Variants in ZBTB20 observed in about 807,000 individuals in gnomAD.
The protein encoded by ZBTB20 is zinc finger and BTB domain-containing protein 20.
In ZBTB20, 9 loss-of-function variants were observed where a neutral mutation model predicts 56.9. That is an observed-to-expected ratio of 0.16 (90% CI 0.10 to 0.28). ZBTB20 has a LOEUF of 0.28. ZBTB20 is among the 10% of genes least tolerant of loss of function. The pLI is 1.00. For missense variants in ZBTB20, 655 were observed against 1,003.0 expected (o/e 0.65, Z 4.69); for synonymous variants, 417 against 420.7 (o/e 0.99, Z 0.11).
At chr3:115,110,981 C>T (rs569899055) in intron 1 of ZBTB20, among the ~76,000 whole-genome samples, 3 of 150,184 alleles carry the variant, frequency 2.0e-5, no homozygotes, top group Admixed American at 1.3e-4. Context: ...CAGAGTGAGA[C>T]TCCATCTCAA....
chr3:114,750,107 T>A (rs1489285259), intron 5 of ZBTB20, among the ~76,000 whole-genome samples: 1 of 152,230 alleles, frequency 6.6e-6, no homozygotes, highest in East Asian at 1.9e-4. Context: ...GCTGCATTTA[T>A]AAGAGAGTTT....
intron 5 of ZBTB20, among the ~76,000 whole-genome samples, chr3:114,767,107 T>G (rs2108726408): frequency 6.6e-6 from 1 of 152,240 alleles, no homozygotes; most frequent in South Asian, 2.1e-4. Context: ...GAATTACAGC[T>G]TAATTTCACC....
At chr3:114,753,443 T>C (rs1168108245) in intron 5 of ZBTB20, among the ~76,000 whole-genome samples, 1 of 10,806 alleles carries the variant, frequency 9.3e-5, no homozygotes, top group African/African-American at 1.4e-4. Context: ...ACACACACAC[T>C]TTTTTTTTTG....
At chr3:114,518,437 T>C (rs1234111775) in intron 6 of ZBTB20, 1 of 152,218 alleles carries the variant, frequency 6.6e-6, no homozygotes, top group Non-Finnish European at 1.5e-5. Flanking sequence ...CATTTTTAAA[T>C]CAAAGCCGTT....
intron 1 of ZBTB20, among the ~76,000 whole-genome samples, chr3:115,145,492 A>G (rs1393897652): frequency 6.6e-6 from 1 of 152,216 alleles, no homozygotes; most frequent in Non-Finnish European, 1.5e-5. Flanking sequence ...TAGGTTACTT[A>G]TAACACCTAA....
intron 3 of ZBTB20, among the ~76,000 whole-genome samples, chr3:114,917,707 T>C (rs1179846353): frequency 6.7e-6 from 1 of 150,270 alleles, no homozygotes; most frequent in Non-Finnish European, 1.5e-5. Flanking sequence ...TCTCTTCCAT[T>C]ACTTTCTCCC....
intron 5 of ZBTB20, among the ~76,000 whole-genome samples, chr3:114,794,410 A>T (rs2071197357): frequency 6.6e-6 from 1 of 152,044 alleles, no homozygotes; most frequent in Admixed American, 6.6e-5. Flanking sequence ...TGGCTGTGGT[A>T]ATTTAGCTCC....
chr3:114,464,669 T>A (rs2092465693), intron 7 of ZBTB20, among the ~76,000 whole-genome samples: 2 of 152,172 alleles, frequency 1.3e-5, no homozygotes, highest in South Asian at 4.1e-4. Context: ...TCTGCTCAAT[T>A]CTGGTCAAGG....
chr3:114,374,848 C>A (rs1315168794), intron 10 of ZBTB20, among the ~76,000 whole-genome samples: 3 of 152,172 alleles, frequency 2.0e-5, no homozygotes, highest in African/African-American at 7.2e-5. Flanking sequence ...GCACCTCCAA[C>A]AGAAATCCAA....
At chr3:114,466,151 AAG>A (rs2092541999) in intron 7 of ZBTB20, among the ~76,000 whole-genome samples, 1 of 152,148 alleles carries the variant, frequency 6.6e-6, no homozygotes, top group Non-Finnish European at 1.5e-5. Flanking sequence ...TGAGGGGAGA[AAG>A]AGTATACTTA....
chr3:114,872,726 C>A (rs992057312), intron 4 of ZBTB20, among the ~76,000 whole-genome samples: 1 of 151,832 alleles, frequency 6.6e-6, no homozygotes, highest in East Asian at 1.9e-4. Context: ...ATCAGAGGAT[C>A]AAAGTGGTTG....
chr3:114,832,584 T>TG (rs2073910983), intron 4 of ZBTB20, among the ~76,000 whole-genome samples: 2 of 152,148 alleles, frequency 1.3e-5, no homozygotes, highest in Admixed American at 1.3e-4. Context: ...GCACAATGCA[T>TG]TATTCTATAA....
intron 6 of ZBTB20, among the ~76,000 whole-genome samples, chr3:114,583,506 T>C (rs1003258090): frequency 6.6e-6 from 1 of 152,198 alleles, no homozygotes; most frequent in Admixed American, 6.5e-5. Context: ...ATTTCTTTTA[T>C]CCTGATAAAA....
intron 5 of ZBTB20, among the ~76,000 whole-genome samples, chr3:114,747,464 T>C (rs1357899771): frequency 6.6e-6 from 1 of 152,064 alleles, no homozygotes; most frequent in East Asian, 1.9e-4. Context: ...TTCGGGAGGC[T>C]GAGGCAGGAG....
chr3:114,867,761 G>T (rs1185479925), intron 4 of ZBTB20, among the ~76,000 whole-genome samples: 1 of 152,112 alleles, frequency 6.6e-6, no homozygotes, highest in Non-Finnish European at 1.5e-5. Context: ...TACATACTTT[G>T]TTTCCAGCTA....
intron 6 of ZBTB20, among the ~76,000 whole-genome samples, chr3:114,689,799 C>T (rs186886589): frequency 2.5e-3 from 378 of 152,158 alleles, no homozygotes; most frequent in Admixed American, 5.8e-3. Context: ...CATAATTTAA[C>T]ACCACATATA....
At chr3:114,937,819 CG>C (rs2076593711) in intron 3 of ZBTB20, among the ~76,000 whole-genome samples, 1 of 151,922 alleles carries the variant, frequency 6.6e-6, no homozygotes, top group Non-Finnish European at 1.5e-5. Context: ...AGTTCCTGGC[CG>C]GGCACGGTGG....
At chr3:114,765,593 T>A (rs2068733217) in intron 5 of ZBTB20, among the ~76,000 whole-genome samples, 1 of 151,674 alleles carries the variant, frequency 6.6e-6, no homozygotes, top group South Asian at 2.1e-4. Flanking sequence ...ATCCAATAAA[T>A]CTCTGTTGTT....
intron 4 of ZBTB20, among the ~76,000 whole-genome samples, chr3:114,871,714 A>G (rs2076018909): frequency 6.6e-6 from 1 of 152,154 alleles, no homozygotes; most frequent in African/African-American, 2.4e-5. Context: ...GTTCTTTCTG[A>G]CATGATCTCT....
Sources: allele counts gnomAD v4.1 joint callset (sites outside exome capture counted in the v4.1 genomes callset), GRCh38; gene constraint gnomAD v4.1.1; transcripts MANE v1.5; gene names NCBI Gene and HGNC (gene_info 2026-07-23, HGNC 2026-07-21).